The following FGFR4 variants were observed in gnomAD, a reference collection of about 807,000 sequenced individuals.
FGFR4 encodes the protein hydroxyaryl-protein kinase.
Under a neutral mutation model 89.9 loss-of-function variants are expected in FGFR4, and 63 were observed. The observed-to-expected ratio is 0.70, with a 90% confidence interval of 0.57 to 0.86. The LOEUF (loss-of-function observed/expected upper bound fraction) is 0.86, where lower values mean the gene tolerates loss of function less well. Ranked by LOEUF, FGFR4 falls within the 40% of genes least tolerant of loss-of-function variation. The pLI is 0.00. For missense variants in FGFR4, 928 were observed against 1,106.7 expected, an observed-to-expected ratio of 0.84 and a Z score of 2.29; for synonymous variants, 486 against 479.4, an observed-to-expected ratio of 1.01 and a Z score of -0.18.
At chr5:177,088,563 C>A in intron 1 of FGFR4, 1 of 162,506 alleles carries the variant, frequency 6.2e-6, no homozygotes, top group Non-Finnish European at 1.3e-5. Context: ...CCAGTGCCAC[C>A]CATAGGCCCC....
At chr5:177,092,986 G>A (rs1387143341) in intron 8 of FGFR4, 152 bp from the exon 9 acceptor site, 1 of 1,285,012 alleles carries the variant, frequency 7.8e-7, no homozygotes, top group Non-Finnish European at 1.1e-6. Context: ...CTGCTGAGGT[G>A]TGGGTGCCTG....
chr5:177,097,217 C>A, intron 16 of FGFR4, 75 bp from the exon 17 acceptor site: 1 of 1,265,608 alleles, frequency 7.9e-7, no homozygotes, highest in Non-Finnish European at 1.1e-6. Flanking sequence ...TCCTCCCCAC[C>A]CAGAGAACCC....
Position 177,097,782 on chromosome 5 carries a change from C to T in FGFR4, c.*106C>T. 7.0e-7 allele frequency: 1 copy of T among 1,423,734 alleles called. No individual in the cohort carries two copies. Among genetic ancestry groups the T allele is most frequent in the African/African-American group, 1.4e-5 (1 of 70,270 alleles). 88.2% of individuals were successfully genotyped at this position (1,423,734 alleles called of 1,614,324 possible). A position where few individuals can be genotyped will look rare whatever the true frequency, so the allele number is the denominator to read the frequency against. ...CCTTGATAGCATGGGGCCCCTGGCC[C>T]AGAGTTGCTGTGCCGTGTCCAAGGG... On this transcript the variant is annotated 3_prime_UTR_variant, in exon 18 of 18. Transcript: ENST00000292408.
Position 177,096,643 on chromosome 5 carries a change from C to T in FGFR4, c.2055C>T (p.Leu685=), listed in dbSNP as rs1374624570. The T allele has an allele frequency of 8.1e-6, 13 of 1,613,270 alleles. No individual in the cohort carries two copies. In the South Asian group the frequency reaches 9.9e-5, roughly 12 times the overall value. ...TCCTGCTATGGGAGATCTTCACCCT[C>T]GGGGGCTCCCCGTATCCTGGCATCC... ...FGILLWEIFT[L]GGSPYPGIPV... Residue 685 remains leucine, a synonymous_variant, in exon 16 of 18, where the codon CTC becomes CTT. Coordinates refer to ENST00000292408, the MANE Select transcript of FGFR4 (RefSeq NM_213647.3).
At position 177,093,897 on chromosome 5, in the gene FGFR4, TC is replaced by T; in HGVS notation, c.1519+123del. On this transcript the variant is annotated intron_variant, in intron 11 of 17. Transcript: ENST00000292408. The surrounding 1 kb of genome is among the most constrained non-coding windows in gnomAD (Gnocchi z 5.8). ...GCCTGGGCAACATGGCAAGACTTCA[TC>T]TCTACAAAAAAAAAATAAGAAAATT... is the stretch of plus-strand genomic sequence containing the variant. The T allele has an allele frequency of 8.7e-7, 1 of 1,152,154 alleles. No homozygotes were observed. Among genetic ancestry groups the T allele is most frequent in the South Asian group, 1.6e-5 (1 of 61,622 alleles). 71.4% of individuals were successfully genotyped at this position (1,152,154 alleles called of 1,614,324 possible).
In FGFR4 at chr5:177,090,768, G is replaced by T. The variant is rs142240686; in HGVS notation, c.379G>T (p.Asp127Tyr). ...TGDSLTSSND[D>Y]EDPKSHRDPS... is the part of the protein sequence containing the mutation. ...AGACTCCTTGACCTCCAGCAACGAT[G>T]ATGAGGACCCCAAGTCCCATAGGGA... Residue 127 changes from aspartate to tyrosine, a missense_variant, in exon 4 of 18, where the codon GAT becomes TAT. Transcript: ENST00000292408. 5 of 1,610,524 alleles carry T rather than the reference G, an allele frequency of 3.1e-6. No individual in the cohort carries two copies. Among genetic ancestry groups the T allele is most frequent in the South Asian group, 1.1e-5 (1 of 90,906 alleles).
Position 177,095,613 on chromosome 5 carries a change from G to A in FGFR4, c.1711G>A (p.Asp571Asn), listed in dbSNP as rs768792805. The A allele has an allele frequency of 4.4e-5, 70 of 1,604,950 alleles. No homozygotes were observed. The highest frequency in any genetic ancestry group is 2.1e-4 in the Middle Eastern group (1 of 4,710). ...FLRARRPPGP[D>N]LSPDGPRSSE... ...GCGGGCCCGGCGCCCCCCAGGCCCC[G>A]ACCTCAGCCCCGACGGTCCTCGGAG... Residue 571 changes from aspartate to asparagine, a missense_variant, in exon 13 of 18, where the codon GAC becomes AAC. Around this residue, in one of 5 missense-constraint regions of FGFR4, gnomAD observed 741 missense variants for 836.9 expected, o/e 0.89. Transcript: ENST00000292408. The surrounding 1 kb of genome is among the most constrained non-coding windows in gnomAD (Gnocchi z 5.7).
At chr5:177,092,967 T>A in intron 8 of FGFR4, 171 bp from the exon 9 acceptor site, 1 of 1,267,454 alleles carries the variant, frequency 7.9e-7, no homozygotes, top group East Asian at 2.5e-5. Flanking sequence ...TGGCCGTCCA[T>A]GTGACCGTCT....
Position 177,093,128 on chromosome 5 carries a change from G to A in FGFR4, c.1058-10G>A, listed in dbSNP as rs1325544366. 6.2e-7 allele frequency: 1 copy of A among 1,613,924 alleles called. No individual in the cohort carries two copies. The highest frequency in any genetic ancestry group is 8.5e-7 in the Non-Finnish European group (1 of 1,180,018). The stretch of plus-strand genomic sequence containing the variant: ...TTTGTCTGTCTGTGTGTGTCCATGT[G>A]CGAGGGCAGAGGAGGACCCCACATG... On this transcript the variant is annotated splice_polypyrimidine_tract_variant and intron_variant, in intron 8 of 17. Coordinates refer to ENST00000292408, the MANE Select transcript of FGFR4 (RefSeq NM_213647.3). The surrounding 1 kb of genome is among the most constrained non-coding windows in gnomAD (Gnocchi z 5.8).
intron 2 of FGFR4, 52 bp from the exon 3 acceptor site, chr5:177,090,338 G>A: frequency 6.3e-7 from 1 of 1,598,988 alleles, no homozygotes; most frequent in South Asian, 1.1e-5. Flanking sequence ...TACACAGGAG[G>A]CTGCCTCAGA....
chr5:177,089,319 A>T (rs2149729396), intron 1 of FGFR4, among the ~76,000 whole-genome samples: 1 of 152,254 alleles, frequency 6.6e-6, no homozygotes, highest in East Asian at 1.9e-4. Flanking sequence ...TCCCAGCAGG[A>T]CTCAGGGAGA....
In FGFR4 at chr5:177,093,276, A is replaced by T. The variant is rs879104864; in HGVS notation, c.1196A>T (p.His399Leu). 2 of 1,607,988 alleles carry T rather than the reference A, an allele frequency of 1.2e-6. No homozygotes were observed. The highest frequency in any genetic ancestry group is 1.7e-6 in the Non-Finnish European group (2 of 1,178,066). The change falls in exon 9 of 18, where the codon CAC becomes CTC. Residue 399 changes from histidine (H) to leucine (L), a missense_variant. Physicochemically the swap from His to Leu is moderately conservative, Grantham distance 99. Coordinates refer to ENST00000292408, the MANE Select transcript of FGFR4 (RefSeq NM_213647.3). The surrounding 1 kb of genome is among the most constrained non-coding windows in gnomAD (Gnocchi z 5.8). ...CGAGGGCAGGCGCTCCACGGCCGGC[A>T]CCCCCGCCCGCCCGCCACTGTGCAG... ...LYRGQALHGR[H>L]PRPPATVQKL...
rs1484903613 is a variant in FGFR4, at chr5:177,090,429, A to T, written c.131A>T (p.Glu44Val). 6.2e-7 allele frequency: 1 copy of T among 1,605,280 alleles called. No homozygotes were observed. The highest frequency in any genetic ancestry group is 8.5e-7 in the Non-Finnish European group (1 of 1,179,686). The change falls in exon 3 of 18, where the codon GAG (glutamate) becomes GTG (valine). Residue 44 changes from glutamate to valine, a missense_variant. Around this residue, in one of 5 missense-constraint regions of FGFR4, gnomAD observed 741 missense variants for 836.9 expected, o/e 0.89. Coordinates refer to ENST00000292408, the MANE Select transcript of FGFR4 (RefSeq NM_213647.3). ...CCCAGCCTGGAGCAGCAAGAGCAGG[A>T]GCTGACAGTAGCCCTTGGGCAGCCT... ...LAPSLEQQEQ[E>V]LTVALGQPVR...
chr5:177,092,423 C>A lies in FGFR4; in HGVS notation c.830C>A (p.Ala277Asp). ...VELLCKVYSD[A>D]QPHIQWLKHI... The stretch of plus-strand genomic sequence containing the variant: ...CTGCTGTGCAAGGTGTACAGCGATG[C>A]CCAGCCCCACATCCAGTGGCTGAAG... The change falls in exon 7 of 18, where the codon GCC (alanine) becomes GAC (aspartate). Residue 277 changes from alanine to aspartate, a missense_variant. Transcript: ENST00000292408. The A allele has an allele frequency of 4.4e-6, 7 of 1,607,364 alleles. No homozygotes were observed. The highest frequency in any genetic ancestry group is 5.9e-6 in the Non-Finnish European group (7 of 1,176,602).
chr5:177,088,466 G>A (rs1258048787), intron 1 of FGFR4: 1 of 195,898 alleles, frequency 5.1e-6, no homozygotes, highest in East Asian at 7.9e-5. Context: ...AAGGGGCAGG[G>A]GAAGCCAGAT....
chr5:177,089,720 G>A (rs762142979), intron 2 of FGFR4, 27 bp downstream of exon 2: 14 of 1,609,246 alleles, frequency 8.7e-6, no homozygotes, highest in Middle Eastern at 1.6e-4. Flanking sequence ...GGGAGAGGGT[G>A]GCAGGGGTGG....
At chr5:177,097,497 G>A (rs2149740851) in intron 17 of FGFR4, 30 bp from the exon 18 acceptor site, 1 of 1,607,114 alleles carries the variant, frequency 6.2e-7, no homozygotes, top group Non-Finnish European at 8.5e-7. Flanking sequence ...CCCGGGCGCT[G>A]CAGAGGCTGA....
Position 177,093,734 on chromosome 5 carries a change from G to T in FGFR4, c.1478G>T (p.Arg493Leu). 6.2e-7 allele frequency: 1 copy of T among 1,613,892 alleles called. No individual in the cohort carries two copies. Residue 493 changes from arginine (R) to leucine (L), a missense_variant, in exon 11 of 18, where the codon CGG becomes CTG. Physicochemically the swap from Arg to Leu is moderately radical, Grantham distance 102. This residue lies in a region of FGFR4 where 741 missense variants were observed against 836.9 expected (regional missense o/e 0.89). Transcript: ENST00000292408. The surrounding 1 kb of genome is among the most constrained non-coding windows in gnomAD (Gnocchi z 5.8). ...RAEAFGMDPA[R>L]PDQASTVAVK... ...GAGGCCTTTGGCATGGACCCTGCCCGGCCTGACCAAGCCAGCACTGTGGCC... is the reference window on the plus strand; with the variant it reads ...GAGGCCTTTGGCATGGACCCTGCCCTGCCTGACCAAGCCAGCACTGTGGCC...
intron 1 of FGFR4, 46 bp from the exon 2 acceptor site, chr5:177,089,504 A>G (rs1784273342): frequency 6.7e-7 from 1 of 1,483,388 alleles, no homozygotes; most frequent in Non-Finnish European, 9.0e-7. Flanking sequence ...AAAAGCCCCC[A>G]CAAAGGTGCA....
Sources: allele counts gnomAD v4.1 joint callset (sites outside exome capture counted in the v4.1 genomes callset), GRCh38; gene constraint gnomAD v4.1.1; regional missense constraint gnomAD v4.1.1; non-coding constraint Gnocchi (gnomAD v3.1); transcripts MANE v1.5; gene names NCBI Gene and HGNC (gene_info 2026-07-23, HGNC 2026-07-21).